ST6GALNAC3: variants seen among roughly 807,000 people sequenced by gnomAD.
ST6GALNAC3 encodes the protein alpha-N-acetylgalactosaminide alpha-2,6-sialyltransferase 3.
ST6GALNAC3 carries 25 observed loss-of-function variants against 32.7 expected under a neutral mutation model. The observed-to-expected ratio is 0.76, with a 90% CI of 0.56 to 1.07. The LOEUF is 1.07. Ranked by LOEUF, ST6GALNAC3 falls within the 50% of genes least tolerant of loss-of-function variation. ST6GALNAC3 has a pLI of 0.00. For synonymous variants in ST6GALNAC3, 129 were observed against 133.1 expected, an observed-to-expected ratio of 0.97 and a Z score of 0.21; for missense variants, 355 against 382.4, an observed-to-expected ratio of 0.93 and a Z score of 0.60.
intron 2 of ST6GALNAC3, among the ~76,000 whole-genome samples, chr1:76,384,093 T>A (rs1391402462): frequency 1.3e-5 from 2 of 152,118 alleles, no homozygotes; most frequent in Non-Finnish European, 2.9e-5. Flanking sequence ...ACATTCTCAT[T>A]AAATGACATA....
chr1:76,121,809 A>G (rs1199681914), intron 1 of ST6GALNAC3, among the ~76,000 whole-genome samples: 1 of 152,076 alleles, frequency 6.6e-6, no homozygotes, highest in East Asian at 1.9e-4. Flanking sequence ...ATGTACCTGT[A>G]TTCCTTCTAA....
At chr1:76,153,205 A>AT (rs1270868626) in intron 1 of ST6GALNAC3, among the ~76,000 whole-genome samples, 1 of 152,094 alleles carries the variant, frequency 6.6e-6, no homozygotes, top group Non-Finnish European at 1.5e-5. Context: ...TTTAAGTTAC[A>AT]TTTTTTGGAT....
intron 1 of ST6GALNAC3, among the ~76,000 whole-genome samples, chr1:76,239,341 A>G (rs1219433437): frequency 1.3e-5 from 2 of 152,120 alleles, no homozygotes; most frequent in African/African-American, 2.4e-5. Flanking sequence ...TGGAGAGAGG[A>G]TGTATTAATC....
intron 1 of ST6GALNAC3, among the ~76,000 whole-genome samples, chr1:76,265,408 A>G (rs1030133920): frequency 6.6e-6 from 1 of 152,146 alleles, no homozygotes; most frequent in Non-Finnish European, 1.5e-5. Context: ...CAACTGTAGC[A>G]TTTCACTTCA....
At chr1:76,483,791 T>A (rs530259567) in intron 3 of ST6GALNAC3, among the ~76,000 whole-genome samples, 1 of 152,240 alleles carries the variant, frequency 6.6e-6, no homozygotes, top group Non-Finnish European at 1.5e-5. Context: ...CATGAAGTCC[T>A]TGCCCATGCC....
chr1:76,307,657 AAAAC>A (rs1308815961), intron 1 of ST6GALNAC3, among the ~76,000 whole-genome samples: 1 of 152,218 alleles, frequency 6.6e-6, no homozygotes, highest in Non-Finnish European at 1.5e-5. Context: ...AGTTAAATAA[AAAAC>A]ACAACTTTAT....
At chr1:76,094,885 C>T (rs546101524) in intron 1 of ST6GALNAC3, among the ~76,000 whole-genome samples, 2 of 151,934 alleles carry the variant, frequency 1.3e-5, no homozygotes, top group Admixed American at 6.6e-5. Context: ...CACCCCCCAC[C>T]GTTCCTTACT....
intron 1 of ST6GALNAC3, chr1:76,313,566 A>G: frequency 1.6e-6 from 1 of 621,678 alleles, no homozygotes; most frequent in Non-Finnish European, 2.9e-6. Flanking sequence ...TGAGATAAGG[A>G]AGGGTGGAGA....
chr1:76,588,905 T>C (rs315039), intron 3 of ST6GALNAC3, among the ~76,000 whole-genome samples: 31,060 of 152,140 alleles, frequency 0.2, 3,831 homozygotes, highest in African/African-American at 0.34. Flanking sequence ...TTCTTATATA[T>C]CTTTGAATTG....
At chr1:76,441,934 C>T (rs1029491878) in intron 3 of ST6GALNAC3, among the ~76,000 whole-genome samples, 3 of 152,178 alleles carry the variant, frequency 2.0e-5, no homozygotes, top group African/African-American at 7.2e-5. Context: ...CTTTTAATTT[C>T]TCTAAACAAT....
intron 2 of ST6GALNAC3, among the ~76,000 whole-genome samples, chr1:76,316,312 G>A (rs1042536696): frequency 6.6e-5 from 10 of 152,096 alleles, no homozygotes; most frequent in African/African-American, 2.4e-4. Flanking sequence ...TCATGAACCC[G>A]TGCACTGGAA....
At chr1:76,093,569 T>G (rs1348353080) in intron 1 of ST6GALNAC3, among the ~76,000 whole-genome samples, 1 of 152,166 alleles carries the variant, frequency 6.6e-6, no homozygotes, top group Non-Finnish European at 1.5e-5. Flanking sequence ...CAAATCTGCC[T>G]CTTTGACATA....
chr1:76,628,802 C>G lies in ST6GALNAC3; in HGVS notation c.914C>G (p.Ser305Cys). ...TTTACACATCCAAACTGGACATTGTCTTGATAATGGTTTTCCTGATCTTGC... is the reference window on the plus strand; with the variant it reads ...TTTACACATCCAAACTGGACATTGTGTTGATAATGGTTTTCCTGATCTTGC... Reference protein sequence around the residue: ...IIFTHPNWTLS With the variant: ...IIFTHPNWTLC The change falls in exon 5 of 5, where the codon TCT becomes TGT. Residue 305 changes from serine to cysteine, a missense_variant. By Grantham distance (112) the Ser-to-Cys change is moderately radical. Coordinates refer to ENST00000328299, the MANE Select transcript of ST6GALNAC3 (RefSeq NM_152996.4). The G allele has an allele frequency of 6.2e-7, 1 of 1,610,432 alleles. No homozygotes were observed. Among genetic ancestry groups the G allele is most frequent in the Non-Finnish European group, 8.5e-7 (1 of 1,178,214 alleles).
chr1:76,235,664 T>C (rs904686271), intron 1 of ST6GALNAC3, among the ~76,000 whole-genome samples: 1 of 150,954 alleles, frequency 6.6e-6, no homozygotes, highest in Non-Finnish European at 1.5e-5. Context: ...ATCATAGGAA[T>C]ACCCACCTGC....
At chr1:76,371,017 A>C (rs1241112348) in intron 2 of ST6GALNAC3, among the ~76,000 whole-genome samples, 1 of 152,090 alleles carries the variant, frequency 6.6e-6, no homozygotes, top group Non-Finnish European at 1.5e-5. Context: ...TCTGCCTCAC[A>C]CTTTAGAATG....
At chr1:76,111,503 T>G (rs1647938049) in intron 1 of ST6GALNAC3, among the ~76,000 whole-genome samples, 2 of 151,084 alleles carry the variant, frequency 1.3e-5, no homozygotes, top group African/African-American at 4.9e-5. Flanking sequence ...TTTGGCAGGG[T>G]CACAGGACAA....
At chr1:76,101,839 A>G (rs1647237877) in intron 1 of ST6GALNAC3, among the ~76,000 whole-genome samples, 1 of 152,200 alleles carries the variant, frequency 6.6e-6, no homozygotes, top group Non-Finnish European at 1.5e-5. Context: ...TTGTGAGGAA[A>G]GAACACGCTT....
At chr1:76,153,692 T>A (rs1651200816) in intron 1 of ST6GALNAC3, among the ~76,000 whole-genome samples, 1 of 152,200 alleles carries the variant, frequency 6.6e-6, no homozygotes, top group Non-Finnish European at 1.5e-5. Flanking sequence ...TAAACATATC[T>A]ATATTTTGTT....
chr1:76,465,064 T>C (rs1557445692), intron 3 of ST6GALNAC3, among the ~76,000 whole-genome samples: 2 of 152,022 alleles, frequency 1.3e-5, no homozygotes, highest in Non-Finnish European at 2.9e-5. Flanking sequence ...TCTCTTCCAA[T>C]AGAAACAGAG....
Sources: allele counts gnomAD v4.1 joint callset (sites outside exome capture counted in the v4.1 genomes callset), GRCh38; gene constraint gnomAD v4.1.1; transcripts MANE v1.5; gene names NCBI Gene and HGNC (gene_info 2026-07-23, HGNC 2026-07-21).